The following BRD8 variants were observed in gnomAD, a reference collection of about 807,000 sequenced individuals.
BRD8 encodes the protein bromodomain containing 8.
BRD8 carries 67 observed loss-of-function variants against 143.1 expected under a neutral mutation model. That is an observed-to-expected ratio of 0.47 (90% confidence interval 0.38 to 0.57). BRD8 has a LOEUF of 0.57. BRD8 is among the 20% of genes least tolerant of loss of function. BRD8 has a pLI of 0.00. For missense variants in BRD8, 1,103 were observed against 1,503.0 expected, an observed-to-expected ratio of 0.73 and a Z score of 4.40; for synonymous variants, 505 against 517.1, an observed-to-expected ratio of 0.98 and a Z score of 0.32.
At chr5:138,142,099 G>T (rs1360550239) in intron 25 of BRD8, among the ~76,000 whole-genome samples, 1 of 152,186 alleles carries the variant, frequency 6.6e-6, no homozygotes, top group Non-Finnish European at 1.5e-5. Flanking sequence ...CTGCCTTCAT[G>T]AATGGGATTA....
At position 138,140,909 on chromosome 5, in the gene BRD8, A is replaced by G. The variant is rs375116967; in HGVS notation, c.3438-27T>C. ...TGCAGGTGGCCAAGAAAAAACAAAG[A>G]AAATCAAACCTTCATGTGGAACATA... On this transcript the variant is annotated intron_variant, in intron 25 of 26. Coordinates refer to ENST00000254900, the MANE Select transcript of BRD8 (RefSeq NM_139199.2). 78 of 1,611,926 alleles carry G rather than the reference A, an allele frequency of 4.8e-5. No individual in the cohort carries two copies. The African/African-American group carries it at 9.6e-4, about 20-fold the overall frequency.
At chr5:138,173,578 T>G (rs1382978440) in intron 2 of BRD8, among the ~76,000 whole-genome samples, 3 of 152,114 alleles carry the variant, frequency 2.0e-5, no homozygotes, top group Non-Finnish European at 4.4e-5. Flanking sequence ...ACACACATTG[T>G]TTTTGTTTAG....
chr5:138,152,258 G>C lies in BRD8; in HGVS notation c.2856+224C>G, dbSNP rs1425688158. ...ACTGGCCTCAGCCTCCCAAAGTGCT[G>C]GGATTACAGGCGTGAGCCACTGCAC... On this transcript the variant is annotated intron_variant, in intron 21 of 26. Transcript: ENST00000254900. 2.6e-5 allele frequency among the ~76,000 whole-genome samples: 4 copies of C among 152,226 alleles called. 1 individual carries two copies. Among genetic ancestry groups the C allele is most frequent in the African/African-American group, 9.6e-5 (4 of 41,462 alleles).
intron 2 of BRD8, among the ~76,000 whole-genome samples, chr5:138,176,691 A>G (rs955796340): frequency 6.6e-6 from 1 of 152,160 alleles, no homozygotes; most frequent in Admixed American, 6.5e-5. Flanking sequence ...ATGTTCTAAA[A>G]TTAGATTGTG....
At chr5:138,149,555 T>G in intron 23 of BRD8, 85 bp downstream of exon 23, 1 of 1,261,544 alleles carries the variant, frequency 7.9e-7, no homozygotes. Context: ...TTTCTTTAAC[T>G]TATAAAAGTA....
Position 138,139,991 on chromosome 5 carries a change from G to T in BRD8, c.*83C>A. 9.2e-7 allele frequency: 1 copy of T among 1,090,084 alleles called. No individual in the cohort carries two copies. Among genetic ancestry groups the T allele is most frequent in the Non-Finnish European group, 1.4e-6 (1 of 720,456 alleles). 67.5% of individuals were successfully genotyped at this position (1,090,084 alleles called of 1,614,324 possible). A position where few individuals can be genotyped will look rare whatever the true frequency, so the allele number is the denominator to read the frequency against. Reference sequence around the variant, plus strand: ...TGTTGGAAAAGAAAATGAGGACATGGCAAAGAAGTACCAGGATCCTCTCTA... The same window carrying T: ...TGTTGGAAAAGAAAATGAGGACATGTCAAAGAAGTACCAGGATCCTCTCTA... On this transcript the variant is annotated 3_prime_UTR_variant, in exon 27 of 27. Transcript: ENST00000254900.
At chr5:138,173,389 CTCCATCTCAAAAAAAAAAAAAGAT>C (rs1159503842) in intron 2 of BRD8, among the ~76,000 whole-genome samples, 1 of 105,010 alleles carries the variant, frequency 9.5e-6, no homozygotes, top group African/African-American at 4.8e-5. Flanking sequence ...CACAGTGAGA[CTCCATCTCAAAAAAAAAAAAAGAT>C]TCTTAACACT....
intron 20 of BRD8, among the ~76,000 whole-genome samples, chr5:138,155,435 G>A (rs1331663380): frequency 1.4e-5 from 2 of 147,220 alleles, no homozygotes; most frequent in African/African-American, 5.0e-5. Flanking sequence ...GGCAACGAGA[G>A]TGAAACTCCG....
chr5:138,151,437 C>T (rs1752363716), intron 21 of BRD8, among the ~76,000 whole-genome samples: 1 of 152,154 alleles, frequency 6.6e-6, no homozygotes, highest in Non-Finnish European at 1.5e-5. Flanking sequence ...ACTCTCTGTC[C>T]AATTCTGTTT....
intron 22 of BRD8, 100 bp from the exon 23 acceptor site, chr5:138,149,897 A>C: frequency 1.8e-6 from 2 of 1,140,466 alleles, no homozygotes; most frequent in Non-Finnish European, 2.4e-6. Flanking sequence ...TAAGGTGAGA[A>C]GAGGTCAATT....
At chr5:138,163,010 G>A (rs1252216317) in intron 15 of BRD8, 120 bp downstream of exon 15, 5 of 888,444 alleles carry the variant, frequency 5.6e-6, no homozygotes, top group African/African-American at 3.4e-5. Flanking sequence ...AGAAGGAAAG[G>A]AAAGGAAAGG....
Position 138,149,670 on chromosome 5 carries a change from G to GT in BRD8, c.3247dup (p.Thr1083AsnfsTer13), listed in dbSNP as rs770440392. 1 of 1,610,606 alleles carries GT rather than the reference G, an allele frequency of 6.2e-7. No individual in the cohort carries two copies. Among genetic ancestry groups the GT allele is most frequent in the Non-Finnish European group, 8.5e-7 (1 of 1,178,798 alleles). ...TGAGGAGGTAGCATGGCTGAAAAGTGTATCCACCAAGGGAGTCTCCTTAAT... is the reference window on the plus strand; with the variant it reads ...TGAGGAGGTAGCATGGCTGAAAAGTGTTATCCACCAAGGGAGTCTCCTTAAT... On this transcript the variant is annotated frameshift_variant, in exon 23 of 27. Transcript: ENST00000254900. LOFTEE classifies it high-confidence loss of function.
chr5:138,163,986 A>T (rs577914635), intron 14 of BRD8, 101 bp downstream of exon 14: 1 of 1,384,572 alleles, frequency 7.2e-7, no homozygotes, highest in Non-Finnish European at 1.0e-6. Flanking sequence ...CCAGTCTCTT[A>T]TCAGAGAATA....
chr5:138,149,793 T>C lies in BRD8; in HGVS notation c.3125A>G (p.Glu1042Gly), dbSNP rs1752307240. 1 of 1,596,196 alleles carries C rather than the reference T, an allele frequency of 6.3e-7. No homozygotes were observed. The highest frequency in any genetic ancestry group is 1.1e-5 in the South Asian group (1 of 87,270). ...QGLLTESEEGEAQQESKGEDQ... is the reference protein window; with the variant it reads ...QGLLTESEEGGAQQESKGEDQ... ...CTCCCCTTTGGATTCTTGCTGAGCC[T>C]CCCCCTAGGAATGCCAGGAAACAGG... Residue 1042 changes from glutamate (E) to glycine (G), a missense_variant, in exon 23 of 27, where the codon GAG becomes GGG. Physicochemically the swap from Glu to Gly is moderately conservative, Grantham distance 98. Around this residue, in one of 7 missense-constraint regions of BRD8, gnomAD observed 369 missense variants for 445.5 expected, o/e 0.83. Coordinates refer to ENST00000254900, the MANE Select transcript of BRD8 (RefSeq NM_139199.2).
intron 6 of BRD8, 65 bp from the exon 7 acceptor site, chr5:138,170,474 C>T: frequency 6.3e-7 from 1 of 1,580,334 alleles, no homozygotes; most frequent in African/African-American, 1.3e-5. Flanking sequence ...TCACAGAACC[C>T]TTACAAAGTA....
chr5:138,177,733 A>C (rs1754475793), intron 1 of BRD8, 66 bp from the exon 2 acceptor site: 2 of 961,542 alleles, frequency 2.1e-6, no homozygotes, highest in Middle Eastern at 2.2e-4. Flanking sequence ...CTAAGCTCCA[A>C]AATCCCCAAA....
Position 138,152,192 on chromosome 5 carries a change from G to A in BRD8, c.2856+290C>T, listed in dbSNP as rs183461775. ...TTTAGTAGAGATGGGGTTTCACCAT[G>A]TTGGCCAGGCTGGTCTCGAACTCCC... On this transcript the variant is annotated intron_variant, in intron 21 of 26. Coordinates refer to ENST00000254900, the MANE Select transcript of BRD8 (RefSeq NM_139199.2). 3.7e-3 allele frequency among the ~76,000 whole-genome samples: 562 copies of A among 151,936 alleles called. 3 individuals are homozygous for A. The highest frequency in any genetic ancestry group is 0.013 in the African/African-American group (534 of 41,418).
At position 138,172,521 on chromosome 5, in the gene BRD8, C is replaced by CAAAA. The variant is rs10547758; in HGVS notation, c.117-391_117-388dup. 1.4e-3 allele frequency among the ~76,000 whole-genome samples: 35 copies of CAAAA among 24,688 alleles called. 2 individuals are homozygous for CAAAA. The highest frequency in any genetic ancestry group is 4.6e-3 in the African/African-American group (30 of 6,462). 16.2% of individuals were successfully genotyped at this position (24,688 alleles called of 152,430 possible). On this transcript the variant is annotated intron_variant, in intron 2 of 26. Transcript: ENST00000254900. The stretch of plus-strand genomic sequence containing the variant: ...CTGGGGACAGAGTGAGACTCCATCT[C>CAAAA]AAAAAAAAAAAAAAAAAAAAAAAAA...
intron 19 of BRD8, 122 bp downstream of exon 19, chr5:138,159,947 A>G (rs1054755979): frequency 5.6e-6 from 4 of 717,320 alleles, no homozygotes; most frequent in African/African-American, 5.3e-5. Context: ...TCTAAGATCT[A>G]TGTGTCTGTA....
Sources: gnomAD v4.1 joint callset for allele counts (sites outside exome capture counted in the v4.1 genomes callset) on GRCh38, gnomAD v4.1.1 for gene constraint, gnomAD v4.1.1 regional missense constraint, MANE v1.5 for transcripts, NCBI Gene and HGNC (gene_info 2026-07-23, HGNC 2026-07-21) for gene names.